Variants in GPHN observed in about 807,000 individuals in gnomAD.
GPHN encodes the protein gephyrin.
A neutral mutation model predicts 95.5 loss-of-function variants in GPHN; 17 were observed. That is an observed-to-expected ratio of 0.18 (90% CI 0.12 to 0.27). GPHN has a LOEUF of 0.27. Ranked by LOEUF, GPHN falls within the 10% of genes least tolerant of loss-of-function variation. The probability of loss-of-function intolerance (pLI) is 1.00; values close to 1 mark genes in which losing one functional copy is unlikely to be tolerated. For missense variants in GPHN, 660 were observed against 978.1 expected (o/e 0.67, Z 4.34); for synonymous variants, 320 against 322.5 (o/e 0.99, Z 0.08).
intron 21 of GPHN, 72 bp downstream of exon 21, chr14:67,169,108 C>T: frequency 2.3e-6 from 2 of 886,972 alleles, no homozygotes; most frequent in East Asian, 4.8e-5. Context: ...TCCTAACTGT[C>T]CAAAATAAAC....
chr14:67,073,406 C>T (rs1691613406), intron 11 of GPHN, among the ~76,000 whole-genome samples: 1 of 152,084 alleles, frequency 6.6e-6, no homozygotes, highest in Non-Finnish European at 1.5e-5. Context: ...TAGGCATTTG[C>T]TCTCAATTGA....
chr14:67,652,146 T>G, the GPHN span, among the ~76,000 whole-genome samples: 1 of 152,258 alleles, frequency 6.6e-6, no homozygotes, highest in Non-Finnish European at 1.5e-5. Context: ...CAATACCCTC[T>G]TACCCCCAAC....
chr14:67,627,490 C>T, the GPHN span, among the ~76,000 whole-genome samples: 1 of 152,068 alleles, frequency 6.6e-6, no homozygotes, highest in Non-Finnish European at 1.5e-5. Flanking sequence ...ATGAAACTGG[C>T]ATCTCTGAGG....
At chr14:67,057,795 G>C (rs2075664921) in intron 10 of GPHN, among the ~76,000 whole-genome samples, 1 of 151,878 alleles carries the variant, frequency 6.6e-6, no homozygotes, top group Non-Finnish European at 1.5e-5. Flanking sequence ...AGTATCCCAA[G>C]TCCCTAACTG....
At chr14:66,848,643 G>A (rs1213416362) in intron 4 of GPHN, among the ~76,000 whole-genome samples, 1 of 151,854 alleles carries the variant, frequency 6.6e-6, no homozygotes, top group Non-Finnish European at 1.5e-5. Context: ...TGTGAAATGG[G>A]TATTCAGTCC....
chr14:67,375,527 A>C, the GPHN span, among the ~76,000 whole-genome samples: 2 of 128,186 alleles, frequency 1.6e-5, no homozygotes, highest in Non-Finnish European at 3.0e-5. Flanking sequence ...AAGATAAAAT[A>C]TCAAAAAAAA....
At chr14:67,476,264 T>G in the GPHN span, among the ~76,000 whole-genome samples, 1 of 152,200 alleles carries the variant, frequency 6.6e-6, no homozygotes, top group Non-Finnish European at 1.5e-5. Context: ...TCCAAGCACT[T>G]CGTTCGCATT....
intron 1 of GPHN, among the ~76,000 whole-genome samples, chr14:66,589,795 A>G (rs2061567064): frequency 6.6e-6 from 1 of 152,160 alleles, no homozygotes; most frequent in Admixed American, 6.5e-5. Context: ...TAATAAGGAT[A>G]TTCAGGATTT....
At chr14:66,524,494 T>C (rs2058607449) in intron 1 of GPHN, among the ~76,000 whole-genome samples, 1 of 152,104 alleles carries the variant, frequency 6.6e-6, no homozygotes. Context: ...ATTAATTTAG[T>C]TTTTTAAAAA....
At chr14:66,557,208 A>AATAG (rs954942813) in intron 1 of GPHN, among the ~76,000 whole-genome samples, 1 of 149,354 alleles carries the variant, frequency 6.7e-6, no homozygotes, top group African/African-American at 2.5e-5. Flanking sequence ...CCCTGTCTGA[A>AATAG]ATAGATAGAT....
At chr14:67,392,972 G>A in the GPHN span, 1 of 886,880 alleles carries the variant, frequency 1.1e-6, no homozygotes, top group South Asian at 1.6e-5. Context: ...AGAGCAGACT[G>A]AAGGCCACAC....
intron 10 of GPHN, among the ~76,000 whole-genome samples, chr14:67,042,937 G>C (rs193151018): frequency 3.7e-4 from 57 of 152,196 alleles, no homozygotes; most frequent in African/African-American, 1.2e-3. Context: ...TCCTTGAAGA[G>C]GTCTTTCACA....
chr14:66,949,993 G>GAAAAAAAAAAA (rs71129809), intron 8 of GPHN, among the ~76,000 whole-genome samples: 6 of 57,800 alleles, frequency 1.0e-4, no homozygotes, highest in Middle Eastern at 0.011. Context: ...TTTAGGACAG[G>GAAAAAAAAAAA]AAAAAAAAAA....
intron 2 of GPHN, among the ~76,000 whole-genome samples, chr14:66,762,207 C>T (rs1451186682): frequency 1.3e-5 from 2 of 150,986 alleles, no homozygotes; most frequent in Non-Finnish European, 2.9e-5. Flanking sequence ...AATAAAACTG[C>T]AAATAAGAGA....
intron 1 of GPHN, among the ~76,000 whole-genome samples, chr14:66,651,672 C>T (rs752643111): frequency 3.3e-4 from 50 of 152,124 alleles, no homozygotes; most frequent in Middle Eastern, 6.8e-3. Flanking sequence ...AAAGTCAAGG[C>T]GGAATATCCT....
At position 66,922,687 on chromosome 14, in the gene GPHN, C is replaced by T. The variant is rs1219773203; in HGVS notation, c.478C>T (p.Pro160Ser). ...ACAGGAATGCTTTCAATTCATACTG[C>T]CAGCTCTACCTCATGCCATTGACCT... ...GSQECFQFIL[P>S]ALPHAIDLLR... The change falls in exon 7 of 23, where the codon CCA becomes TCA. Residue 160 changes from proline to serine, a missense_variant. Transcript: ENST00000478722. The T allele has an allele frequency of 2.5e-6, 4 of 1,612,908 alleles. No homozygotes were observed. The highest frequency in any genetic ancestry group is 3.4e-6 in the Non-Finnish European group (4 of 1,179,130).
rs2061401447 is a variant in GPHN at position 66,585,940 on chromosome 14, T to C, written c.64+77349T>C. On this transcript the variant is annotated intron_variant, in intron 1 of 22. Coordinates refer to ENST00000478722, the MANE Select transcript of GPHN (RefSeq NM_020806.5). ...CAGAGCTGAGTTCAATTCCTGGATA[T>C]CCTTGTTAACTTTCTGTCTCGTTGA... Among the ~76,000 whole-genome samples, 5 of 152,168 alleles carry C rather than the reference T, an allele frequency of 3.3e-5. No individual in the cohort carries two copies. In the South Asian group the frequency reaches 1.0e-3, roughly 32 times the overall value.
At chr14:67,557,549 A>G in the GPHN span, 1 of 744,402 alleles carries the variant, frequency 1.3e-6, no homozygotes, top group South Asian at 2.3e-5. Flanking sequence ...CTATTCTTTT[A>G]TGTGAAAATT....
At chr14:67,596,637 G>C in the GPHN span, among the ~76,000 whole-genome samples, 1 of 152,018 alleles carries the variant, frequency 6.6e-6, no homozygotes, top group Non-Finnish European at 1.5e-5. Context: ...CATCTTTGTT[G>C]GGCCTGCACT....
Sources: gnomAD v4.1 joint callset for allele counts (sites outside exome capture counted in the v4.1 genomes callset) on GRCh38, gnomAD v4.1.1 for gene constraint, MANE v1.5 for transcripts, NCBI Gene and HGNC (gene_info 2026-07-23, HGNC 2026-07-21) for gene names.